The following SDK1 variants were observed in gnomAD, a reference collection of about 807,000 sequenced individuals.
SDK1 encodes sidekick cell adhesion molecule 1.
A neutral mutation model predicts 245.5 loss-of-function variants in SDK1; 157 were observed. That is an observed-to-expected ratio of 0.64 (90% confidence interval 0.56 to 0.73). The LOEUF (loss-of-function observed/expected upper bound fraction) is 0.73, where lower values mean the gene tolerates loss of function less well. Among genes scored for constraint, SDK1 ranks in the 30% least tolerant of loss-of-function variants. The probability of loss-of-function intolerance (pLI) is 0.00; values close to 1 mark genes in which losing one functional copy is unlikely to be tolerated. For synonymous variants in SDK1, 1,647 were observed against 1,278.5 expected, an observed-to-expected ratio of 1.29 and a Z score of -6.15; for missense variants, 3,583 against 3,002.3, an observed-to-expected ratio of 1.19 and a Z score of -4.52.
intron 28 of SDK1, among the ~76,000 whole-genome samples, chr7:4,142,992 A>T (rs1779679316): frequency 6.6e-6 from 1 of 152,176 alleles, no homozygotes. Context: ...AGGAAGCAGG[A>T]CATTGTTGGG....
chr7:3,419,319 C>T (rs997233848), intron 1 of SDK1, among the ~76,000 whole-genome samples: 1 of 152,260 alleles, frequency 6.6e-6, no homozygotes, highest in Non-Finnish European at 1.5e-5. Flanking sequence ...GGTTATACTG[C>T]GTCTCTGTGG....
chr7:4,163,887 A>G (rs1781330019), intron 32 of SDK1, among the ~76,000 whole-genome samples: 1 of 152,162 alleles, frequency 6.6e-6, no homozygotes, highest in Admixed American at 6.5e-5. Context: ...AATTTATGTG[A>G]TTCAACCTGA....
At chr7:4,011,385 A>G (rs2128149178) in intron 15 of SDK1, among the ~76,000 whole-genome samples, 2 of 152,354 alleles carry the variant, frequency 1.3e-5, no homozygotes, top group Middle Eastern at 6.8e-3. Flanking sequence ...TCCTGACAGC[A>G]CAGCCCTCTG....
intron 5 of SDK1, among the ~76,000 whole-genome samples, chr7:3,944,421 G>C (rs965630986): frequency 6.6e-6 from 1 of 152,204 alleles, no homozygotes; most frequent in Non-Finnish European, 1.5e-5. Flanking sequence ...TTGGTATATG[G>C]CATTTTAAAA....
In SDK1 at chr7:3,371,605, T is replaced by G. The variant is rs370477349; in HGVS notation, c.298+69721T>G. ...AAACTGCAATGAGACTTAAAATCCC[T>G]ACTAAGATAATCAGAAGACTTGATC... On this transcript the variant is annotated intron_variant, in intron 1 of 44. Coordinates refer to ENST00000404826, the MANE Select transcript of SDK1 (RefSeq NM_152744.4). Among the ~76,000 whole-genome samples, 379 of 152,214 alleles carry G rather than the reference T, an allele frequency of 2.5e-3. 6 individuals are homozygous for G. The highest frequency in any genetic ancestry group is 8.7e-3 in the African/African-American group (363 of 41,526).
At chr7:3,994,989 C>G (rs1784595299) in intron 14 of SDK1, among the ~76,000 whole-genome samples, 1 of 152,212 alleles carries the variant, frequency 6.6e-6, no homozygotes, top group African/African-American at 2.4e-5. Context: ...AAGCCTGGTA[C>G]TGTAGACATG....
At chr7:4,106,724 C>G (rs1782942604) in intron 22 of SDK1, among the ~76,000 whole-genome samples, 1 of 152,188 alleles carries the variant, frequency 6.6e-6, no homozygotes, top group Non-Finnish European at 1.5e-5. Flanking sequence ...CTCCTGCTCT[C>G]TCAACGCGGC....
chr7:4,112,965 G>A (rs2128191270), intron 23 of SDK1, among the ~76,000 whole-genome samples: 1 of 152,100 alleles, frequency 6.6e-6, no homozygotes, highest in East Asian at 1.9e-4. Flanking sequence ...TGTTGGCCAG[G>A]CTGATCTGGA....
chr7:3,454,261 T>A (rs527863006), intron 1 of SDK1, among the ~76,000 whole-genome samples: 1 of 152,188 alleles, frequency 6.6e-6, no homozygotes, highest in Non-Finnish European at 1.5e-5. Flanking sequence ...ACAGCTAGAT[T>A]ATGAAAATCA....
chr7:3,586,130 C>T (rs966216534), intron 1 of SDK1, among the ~76,000 whole-genome samples: 6 of 151,386 alleles, frequency 4.0e-5, no homozygotes, highest in Non-Finnish European at 7.4e-5. Flanking sequence ...GGGGAGAGAG[C>T]GCTGAGGGCT....
chr7:3,799,858 A>T (rs530766406), intron 4 of SDK1, among the ~76,000 whole-genome samples: 1 of 152,288 alleles, frequency 6.6e-6, no homozygotes, highest in Middle Eastern at 3.4e-3. Context: ...TGACTAAATT[A>T]CTGTAAAGTG....
chr7:3,650,361 C>G (rs1436639729), intron 4 of SDK1, among the ~76,000 whole-genome samples: 1 of 152,236 alleles, frequency 6.6e-6, no homozygotes, highest in Non-Finnish European at 1.5e-5. Flanking sequence ...TCCCCACTCC[C>G]TCCTTCCCCT....
chr7:4,185,817 G>A (rs76539663), intron 35 of SDK1, among the ~76,000 whole-genome samples: 2,633 of 151,798 alleles, frequency 0.017, 79 homozygotes, highest in East Asian at 0.12. Context: ...GAGGAAGGGT[G>A]GGAGGGAGAG....
intron 1 of SDK1, among the ~76,000 whole-genome samples, chr7:3,581,481 A>G (rs890223838): frequency 2.0e-5 from 3 of 152,216 alleles, no homozygotes; most frequent in Non-Finnish European, 2.9e-5. Flanking sequence ...GGTTATCATT[A>G]AAAGTCAAAA....
At chr7:4,194,892 A>G (rs1359111256) in intron 35 of SDK1, among the ~76,000 whole-genome samples, 1 of 152,188 alleles carries the variant, frequency 6.6e-6, no homozygotes, top group Non-Finnish European at 1.5e-5. Context: ...TATAACTACA[A>G]AGTCATTCTT....
chr7:3,667,124 C>G (rs1212988122), intron 4 of SDK1, among the ~76,000 whole-genome samples: 1 of 152,044 alleles, frequency 6.6e-6, no homozygotes, highest in Non-Finnish European at 1.5e-5. Context: ...TGTAATATGT[C>G]TTGTGCATAT....
intron 1 of SDK1, among the ~76,000 whole-genome samples, chr7:3,406,659 C>A (rs1779062983): frequency 2.6e-5 from 4 of 151,962 alleles, no homozygotes; most frequent in Admixed American, 1.3e-4. Context: ...AAACCAACCT[C>A]CTAGTTTTTG....
intron 1 of SDK1, among the ~76,000 whole-genome samples, chr7:3,432,117 A>AG: frequency 1.1e-5 from 1 of 94,872 alleles, no homozygotes; most frequent in African/African-American, 3.3e-5. Context: ...TGCAGTAAAA[A>AG]AAAAAAAATA....
intron 5 of SDK1, among the ~76,000 whole-genome samples, chr7:3,853,091 C>T (rs1583478307): frequency 2.6e-5 from 4 of 152,040 alleles, no homozygotes; most frequent in East Asian, 3.9e-4. Context: ...GTTAGTTCTC[C>T]ACGTACGCAG....
Sources: gnomAD v4.1 joint callset for allele counts (sites outside exome capture counted in the v4.1 genomes callset) on GRCh38, gnomAD v4.1.1 for gene constraint, MANE v1.5 for transcripts, NCBI Gene and HGNC (gene_info 2026-07-23, HGNC 2026-07-21) for gene names.